TRPM3: variants seen among roughly 807,000 people sequenced by gnomAD.
TRPM3 encodes the protein transient receptor potential cation channel subfamily M member 3.
A neutral mutation model predicts 181.2 loss-of-function variants in TRPM3; 77 were observed. The observed-to-expected ratio is 0.42, with a 90% CI of 0.35 to 0.51. TRPM3 has a LOEUF of 0.51. TRPM3 is among the 20% of genes least tolerant of loss of function. The pLI is 0.01. For missense variants in TRPM3, 1,759 were observed against 2,196.7 expected (o/e 0.80, Z 3.98); for synonymous variants, 745 against 796.4 (o/e 0.94, Z 1.09).
chr9:70,848,277 T>C lies in TRPM3; in HGVS notation c.463-1686A>G, dbSNP rs902635893. The stretch of plus-strand genomic sequence containing the variant: ...GATAAGTTAAATTAAATATTAGATA[T>C]AATGATAATAGATCCAGAAGATAAA... On this transcript the variant is annotated intron_variant, in intron 3 of 25. Transcript: ENST00000677713. Among the ~76,000 whole-genome samples, 5 of 152,020 alleles carry C rather than the reference T, an allele frequency of 3.3e-5. No homozygotes were observed. The South Asian group carries it at 6.2e-4, about 19-fold the overall frequency.
At chr9:70,556,433 C>T (rs544544572) in intron 22 of TRPM3, among the ~76,000 whole-genome samples, 49 of 152,142 alleles carry the variant, frequency 3.2e-4, no homozygotes, top group African/African-American at 9.6e-4. Flanking sequence ...GTTCAAACCC[C>T]GACTCTGGCT....
chr9:71,145,647 A>T (rs957196918), intron 1 of TRPM3, among the ~76,000 whole-genome samples: 3 of 152,202 alleles, frequency 2.0e-5, no homozygotes, highest in Non-Finnish European at 4.4e-5. Context: ...TGTGCAATAA[A>T]AAAGGAAAGT....
At chr9:70,772,543 G>A (rs1227906754) in intron 7 of TRPM3, among the ~76,000 whole-genome samples, 1 of 151,936 alleles carries the variant, frequency 6.6e-6, no homozygotes, top group Admixed American at 6.6e-5. Flanking sequence ...GGCTGGTCTC[G>A]AACTCCTGAG....
intron 1 of TRPM3, among the ~76,000 whole-genome samples, chr9:71,268,560 C>A (rs1026758888): frequency 1.3e-5 from 2 of 152,112 alleles, no homozygotes; most frequent in Admixed American, 6.5e-5. Context: ...CACGGTGGCT[C>A]ACGCCTGTAA....
At chr9:71,260,314 T>C (rs989376626) in intron 1 of TRPM3, among the ~76,000 whole-genome samples, 3 of 152,228 alleles carry the variant, frequency 2.0e-5, no homozygotes, top group African/African-American at 7.2e-5. Context: ...TCAGGTAGTG[T>C]GATGCCTCCA....
At chr9:70,605,441 A>ACACCCC (rs1269688450) in intron 19 of TRPM3, among the ~76,000 whole-genome samples, 6 of 151,844 alleles carry the variant, frequency 4.0e-5, no homozygotes, top group South Asian at 2.1e-4. Context: ...TTGTGCTGGC[A>ACACCCC]CACCCCCACC....
rs1266697105 is a variant in TRPM3 at position 71,332,375 on chromosome 9, G to GC, written c.183+114277_183+114278insG. Among the ~76,000 whole-genome samples, 140 of 135,438 alleles carry GC rather than the reference G, an allele frequency of 1.0e-3. 2 individuals carry two copies. Among genetic ancestry groups the GC allele is most frequent in the South Asian group, 6.0e-3 (26 of 4,354 alleles). The allele number at this position is 135,438 out of a possible 152,430, so 88.9% of individuals were successfully genotyped here. A position where few individuals can be genotyped will look rare whatever the true frequency, so the allele number is the denominator to read the frequency against. On this transcript the variant is annotated intron_variant, in intron 1 of 24. Coordinates refer to the TRPM3 transcript ENST00000357533. ...GTCTAGGTCAGTGGTTTTCAATGTT[G>GC]GGTGTGTGTGTGTGTGTGTGTGTGT... is the stretch of plus-strand genomic sequence containing the variant.
rs181823409 is a variant in TRPM3 at position 71,386,475 on chromosome 9, T to C, written c.183+60178A>G. Among the ~76,000 whole-genome samples, 4 of 150,316 alleles carry C rather than the reference T, an allele frequency of 2.7e-5. No individual in the cohort carries two copies. The East Asian group carries it at 7.9e-4, about 30-fold the overall frequency. Reference sequence around the variant, plus strand: ...GAAAAAAAAAAAAAGATAGCAAATATAGGAAGGGAACACATTCCGAAGAGC... The same window carrying C: ...GAAAAAAAAAAAAAGATAGCAAATACAGGAAGGGAACACATTCCGAAGAGC... On this transcript the variant is annotated intron_variant, in intron 1 of 24. Transcript: ENST00000357533.
intron 1 of TRPM3, among the ~76,000 whole-genome samples, chr9:71,322,366 C>T (rs1485299882): frequency 2.0e-5 from 3 of 152,028 alleles, no homozygotes; most frequent in Admixed American, 6.6e-5. Flanking sequence ...CATAAAATAT[C>T]GTTATTTAAA....
chr9:70,849,864 C>G (rs1026285169), intron 3 of TRPM3, among the ~76,000 whole-genome samples: 1 of 152,086 alleles, frequency 6.6e-6, no homozygotes, highest in African/African-American at 2.4e-5. Context: ...CTGGAAAACC[C>G]CATTGTTTCA....
At chr9:70,984,605 G>A (rs1302432926) in intron 1 of TRPM3, among the ~76,000 whole-genome samples, 2 of 152,182 alleles carry the variant, frequency 1.3e-5, no homozygotes, top group African/African-American at 4.8e-5. Context: ...ATATTCTCAA[G>A]GATTATGCAC....
chr9:70,915,471 T>TA (rs2096583483), intron 1 of TRPM3, among the ~76,000 whole-genome samples: 1 of 150,652 alleles, frequency 6.6e-6, no homozygotes, highest in African/African-American at 2.5e-5. Flanking sequence ...CTAATTTTTT[T>TA]TTTTTTTTTA....
At chr9:71,247,015 A>C (rs1211663599) in intron 1 of TRPM3, among the ~76,000 whole-genome samples, 2 of 152,196 alleles carry the variant, frequency 1.3e-5, no homozygotes, top group East Asian at 3.8e-4. Context: ...GAGCTCCAAA[A>C]GTCTAAAATT....
At chr9:71,169,654 T>C (rs187469125) in intron 1 of TRPM3, among the ~76,000 whole-genome samples, 99 of 152,076 alleles carry the variant, frequency 6.5e-4, no homozygotes, top group African/African-American at 1.5e-3. Context: ...TATATACTGA[T>C]ATAAAAATCC....
At position 70,910,277 on chromosome 9, in the gene TRPM3, C is replaced by CA. The variant is rs745421161; in HGVS notation, c.178-45767dup. Among the ~76,000 whole-genome samples, 7 of 152,046 alleles carry CA rather than the reference C, an allele frequency of 4.6e-5. 1 individual carries two copies. Among genetic ancestry groups the CA allele is most frequent in the Non-Finnish European group, 5.9e-5 (4 of 68,006 alleles). Reference sequence around the variant, plus strand: ...TGATTCTCATCAACATAATGTTAAGCAAAATAAGTCAGATGCAAAGGAACA... The same window carrying CA: ...TGATTCTCATCAACATAATGTTAAGCAAAAATAAGTCAGATGCAAAGGAACA... On this transcript the variant is annotated intron_variant, in intron 1 of 25. Transcript: ENST00000677713.
chr9:70,776,686 G>A (rs186711616), intron 7 of TRPM3, among the ~76,000 whole-genome samples: 68 of 152,312 alleles, frequency 4.5e-4, no homozygotes, highest in African/African-American at 1.4e-3. Flanking sequence ...GTGGGAAAGA[G>A]AGAAATGTGG....
chr9:71,351,870 G>GT (rs1398031517), intron 1 of TRPM3, among the ~76,000 whole-genome samples: 7,235 of 94,678 alleles, frequency 0.076, 474 homozygotes, highest in Non-Finnish European at 0.1. Flanking sequence ...TTGTTTGTTT[G>GT]TTTTTGTTTT....
At chr9:70,766,141 A>G (rs2079071974) in intron 7 of TRPM3, among the ~76,000 whole-genome samples, 2 of 152,164 alleles carry the variant, frequency 1.3e-5, no homozygotes, top group Non-Finnish European at 1.5e-5. Flanking sequence ...TAAATGCTGT[A>G]CTTATGATCT....
intron 1 of TRPM3, among the ~76,000 whole-genome samples, chr9:70,943,138 C>T (rs2096901504): frequency 6.6e-6 from 1 of 152,028 alleles, no homozygotes; most frequent in South Asian, 2.1e-4. Context: ...AGGAATAATG[C>T]CCACATCTAG....
Sources: allele counts gnomAD v4.1 joint callset (sites outside exome capture counted in the v4.1 genomes callset), GRCh38; gene constraint gnomAD v4.1.1; transcripts MANE v1.5; gene names NCBI Gene and HGNC (gene_info 2026-07-23, HGNC 2026-07-21).